ABCA12: variants seen among roughly 807,000 people sequenced by gnomAD.
ABCA12 encodes glucosylceramide transporter ABCA12.
Under a neutral mutation model 293.5 loss-of-function variants are expected in ABCA12, and 156 were observed. The ratio of observed to expected loss-of-function variants is 0.53; its 90% CI spans 0.47 to 0.61. The LOEUF (loss-of-function observed/expected upper bound fraction) is 0.61, where lower values mean the gene tolerates loss of function less well. Among genes scored for constraint, ABCA12 ranks in the 20% least tolerant of loss-of-function variants. The probability of loss-of-function intolerance (pLI) is 0.00; values close to 1 mark genes in which losing one functional copy is unlikely to be tolerated. For missense variants in ABCA12, 2,797 were observed against 3,090.2 expected (o/e 0.91, Z 2.25); for synonymous variants, 1,063 against 1,108.0 (o/e 0.96, Z 0.81).
intron 1 of ABCA12, among the ~76,000 whole-genome samples, chr2:215,131,100 A>AT (rs1400759943): frequency 6.6e-6 from 1 of 151,250 alleles, no homozygotes; most frequent in East Asian, 1.9e-4. Flanking sequence ...ATGGTGAATC[A>AT]TTTTTTCATG....
At chr2:215,028,595 T>C (rs1157508072) in intron 9 of ABCA12, among the ~76,000 whole-genome samples, 1 of 152,164 alleles carries the variant, frequency 6.6e-6, no homozygotes, top group African/African-American at 2.4e-5. Context: ...AATTCACAAA[T>C]GAAGGACCAG....
Position 215,119,752 on chromosome 2 carries a change from A to AAAAAAAAAC in ABCA12, c.70-8063_70-8062insGTTTTTTTT, listed in dbSNP as rs1203424589. 2.9e-3 allele frequency among the ~76,000 whole-genome samples: 414 copies of AAAAAAAAAC among 142,952 alleles called. 5 individuals are homozygous for AAAAAAAAAC. Among genetic ancestry groups the AAAAAAAAAC allele is most frequent in the African/African-American group, 0.012 (392 of 34,054 alleles). The allele number at this position is 142,952 out of a possible 152,430, so 93.8% of individuals were successfully genotyped here. A position where few individuals can be genotyped will look rare whatever the true frequency, so the allele number is the denominator to read the frequency against. On this transcript the variant is annotated intron_variant, in intron 1 of 52. Coordinates refer to ENST00000272895, the MANE Select transcript of ABCA12 (RefSeq NM_173076.3). ...TAAAAAGTAAAAAAAAAAAAAAAAA[A>AAAAAAAAAC]TGAAAACAAAACAAAAAAAAACAGA...
intron 2 of ABCA12, among the ~76,000 whole-genome samples, chr2:215,100,040 G>T (rs1223116650): frequency 6.7e-6 from 1 of 149,132 alleles, no homozygotes; most frequent in Non-Finnish European, 1.5e-5. Context: ...AAGAAACAGG[G>T]TCTTACTCTC....
rs1701590617 is a variant in ABCA12, at chr2:215,064,108, A to C, written c.275T>G (p.Leu92Arg). The C allele has an allele frequency of 1.9e-6, 3 of 1,612,854 alleles. No individual in the cohort carries two copies. The Admixed American group carries it at 5.0e-5, about 27-fold the overall frequency. The change falls in exon 3 of 53, where the codon CTG (leucine) becomes CGG (arginine). Residue 92 changes from leucine (L) to arginine (R), a missense_variant. This residue lies in a region of ABCA12 where 656 missense variants were observed against 638.2 expected (regional missense o/e 1.03). Transcript: ENST00000272895. Reference protein sequence around the residue: ...CKDTPYGPQDLLRRKGIDDAL... With the variant: ...CKDTPYGPQDRLRRKGIDDAL... ...ATCATCAATTCCTTTCCTACGAAGCAGATCTTGTGGGCCATAGGGTGTGTC... is the reference window on the plus strand; with the variant it reads ...ATCATCAATTCCTTTCCTACGAAGCCGATCTTGTGGGCCATAGGGTGTGTC...
intron 36 of ABCA12, among the ~76,000 whole-genome samples, chr2:214,972,453 G>C (rs530038822): frequency 1.3e-5 from 2 of 152,092 alleles, no homozygotes; most frequent in East Asian, 1.9e-4. Flanking sequence ...CTGTCACCCA[G>C]GCTGGAGTGC....
At chr2:215,056,565 C>A (rs1701424980) in intron 3 of ABCA12, among the ~76,000 whole-genome samples, 1 of 152,022 alleles carries the variant, frequency 6.6e-6, no homozygotes, top group South Asian at 2.1e-4. Flanking sequence ...GTGCTTTCCT[C>A]TTCCCCTTCC....
rs139025147 is a variant in ABCA12, at chr2:215,086,919, TTTA to T, written c.164-22703_164-22701del. 1.8e-3 allele frequency among the ~76,000 whole-genome samples: 276 copies of T among 151,086 alleles called. 1 individual carries two copies. Among genetic ancestry groups the T allele is most frequent in the African/African-American group, 6.3e-3 (258 of 40,688 alleles). On this transcript the variant is annotated intron_variant, in intron 2 of 52. Coordinates refer to ENST00000272895, the MANE Select transcript of ABCA12 (RefSeq NM_173076.3). ...GAACTTACCTTTCTCTAACTACCAG[TTTA>T]TTATTATTATTATTATTATTATTAT...
At chr2:214,937,092 T>C (rs1698243399) in intron 51 of ABCA12, among the ~76,000 whole-genome samples, 1 of 152,204 alleles carries the variant, frequency 6.6e-6, no homozygotes, top group African/African-American at 2.4e-5. Flanking sequence ...ATAATAAAGC[T>C]GTAGTCAACT....
intron 18 of ABCA12, among the ~76,000 whole-genome samples, chr2:215,008,469 C>T (rs571664979): frequency 2.6e-5 from 4 of 151,472 alleles, no homozygotes; most frequent in East Asian, 1.9e-4. Flanking sequence ...TGAGTAAATT[C>T]GGTGTTATAA....
intron 1 of ABCA12, among the ~76,000 whole-genome samples, chr2:215,124,770 T>A (rs1305036339): frequency 6.6e-6 from 1 of 152,244 alleles, no homozygotes; most frequent in African/African-American, 2.4e-5. Context: ...TTTATTCTGC[T>A]GACTGTTCCT....
At chr2:214,958,129 T>G (rs1034287305) in intron 41 of ABCA12, 148 bp downstream of exon 41, 124 of 1,070,474 alleles carry the variant, frequency 1.2e-4, no homozygotes, top group Non-Finnish European at 1.6e-4. Context: ...TGGATGAAGA[T>G]AAGCCTGACT....
intron 28 of ABCA12, among the ~76,000 whole-genome samples, chr2:214,986,249 C>A (rs1463172293): frequency 6.6e-6 from 1 of 152,082 alleles, no homozygotes; most frequent in South Asian, 2.1e-4. Context: ...TAGTCTCTAC[C>A]TAAGAATATG....
chr2:214,932,808 ATTC>A, intron 52 of ABCA12, 67 bp from the exon 53 acceptor site: 3 of 686,060 alleles, frequency 4.4e-6, no homozygotes, highest in East Asian at 3.3e-5. Context: ...AAGTTAATTC[ATTC>A]TCTCTCTCTC....
At chr2:214,953,442 CTTAATCTTCTT>C (rs1446254120) in intron 44 of ABCA12, among the ~76,000 whole-genome samples, 1 of 152,150 alleles carries the variant, frequency 6.6e-6, no homozygotes, top group Non-Finnish European at 1.5e-5. Context: ...TTCACTTTTT[CTTAATCTTCTT>C]TTCCCAAACT....
chr2:214,958,995 A>T, intron 40 of ABCA12, 29 bp downstream of exon 40: 2 of 1,605,864 alleles, frequency 1.2e-6, no homozygotes, highest in Non-Finnish European at 1.7e-6. Context: ...GTCAAGGAGA[A>T]AGTAGTCATG....
At chr2:214,999,675 A>G (rs1700101625) in intron 22 of ABCA12, 2 of 327,800 alleles carry the variant, frequency 6.1e-6, no homozygotes, top group East Asian at 1.7e-4. Flanking sequence ...ATAGATCTTT[A>G]TAATTTGTGC....
intron 11 of ABCA12, chr2:215,022,910 T>C (rs901780174): frequency 6.6e-6 from 1 of 152,084 alleles, no homozygotes; most frequent in Admixed American, 6.5e-5. Context: ...ACTTTATGCA[T>C]AGCTCCCTAA....
At chr2:215,004,485 C>G (rs964239213) in intron 19 of ABCA12, among the ~76,000 whole-genome samples, 186 bp from the exon 20 acceptor site, 4 of 152,186 alleles carry the variant, frequency 2.6e-5, no homozygotes, top group Non-Finnish European at 5.9e-5. Context: ...AATGACTTGA[C>G]AGGCTGGGCT....
intron 50 of ABCA12, among the ~76,000 whole-genome samples, chr2:214,941,761 G>A (rs1698410526): frequency 6.7e-6 from 1 of 149,518 alleles, no homozygotes; most frequent in African/African-American, 2.4e-5. Context: ...TTTTATCAGA[G>A]ACTAGGATTG....
Sources: gnomAD v4.1 joint callset for allele counts (sites outside exome capture counted in the v4.1 genomes callset) on GRCh38, gnomAD v4.1.1 for gene constraint, gnomAD v4.1.1 regional missense constraint, MANE v1.5 for transcripts, NCBI Gene and HGNC (gene_info 2026-07-23, HGNC 2026-07-21) for gene names.